The following SLC22A25 variants were observed in gnomAD, a reference collection of about 807,000 sequenced individuals.
SLC22A25 encodes solute carrier family 22 member 25, also known as MGI:2442751, MGI:2385316, MGI:3042283, MGI:3645714, MGI:3605624, MGI:2442750.
SLC22A25 carries 44 observed loss-of-function variants against 45.9 expected under a neutral mutation model. That is an observed-to-expected ratio of 0.96 (90% confidence interval 0.75 to 1.23). The LOEUF (loss-of-function observed/expected upper bound fraction) is 1.23. Among genes scored for constraint, SLC22A25 ranks in the 50% most tolerant of loss-of-function variants. The pLI, the probability that SLC22A25 is intolerant of heterozygous loss-of-function variation, is 0.00. For synonymous variants in SLC22A25, 283 were observed against 238.6 expected, an observed-to-expected ratio of 1.19 and a Z score of -1.72; for missense variants, 800 against 666.4, an observed-to-expected ratio of 1.20 and a Z score of -2.21.
intron 3 of SLC22A25, among the ~76,000 whole-genome samples, chr11:63,231,622 C>A (rs1172185905): frequency 6.6e-6 from 1 of 152,146 alleles, no homozygotes; most frequent in African/African-American, 2.4e-5. Flanking sequence ...ATGGTAGTTT[C>A]TTTTGCTGTG....
intron 7 of SLC22A25, among the ~76,000 whole-genome samples, chr11:63,189,636 G>C (rs1021302860): frequency 6.6e-6 from 1 of 152,120 alleles, no homozygotes; most frequent in Non-Finnish European, 1.5e-5. Flanking sequence ...TTTCTTCCTA[G>C]CATCGATGGT....
intron 9 of SLC22A25, among the ~76,000 whole-genome samples, chr11:63,179,554 G>A (rs1409452930): frequency 7.2e-5 from 11 of 152,060 alleles, no homozygotes; most frequent in African/African-American, 2.2e-4. Flanking sequence ...CTTGCTTTCT[G>A]TGGTATCTGT....
chr11:63,229,107 A>G (rs888742293), intron 4 of SLC22A25, 144 bp downstream of exon 4: 33 of 799,494 alleles, frequency 4.1e-5, no homozygotes, highest in Middle Eastern at 7.8e-4. Flanking sequence ...GGTATCTGGC[A>G]TTCAGTAGAG....
In SLC22A25 at chr11:63,217,883, G is replaced by A. The variant is rs896937439; in HGVS notation, c.507-148C>T. On this transcript the variant is annotated intron_variant, in intron 5 of 11. Transcript: ENST00000306494. ...TTAAAGAATCAACAGTTAATCAATG[G>A]CAGGTCTTCTCAGAAGGAATGTTCT... is the stretch of plus-strand genomic sequence containing the variant. 14 of 962,998 alleles carry A rather than the reference G, an allele frequency of 1.5e-5. No homozygotes were observed. The Admixed American group carries it at 3.6e-4, about 25-fold the overall frequency. 59.7% of individuals were successfully genotyped at this position (962,998 alleles called of 1,614,324 possible).
At chr11:63,217,517 TAC>T (rs760417070) in intron 6 of SLC22A25, 35 bp from the exon 7 acceptor site, 1 of 1,611,620 alleles carries the variant, frequency 6.2e-7, no homozygotes, top group East Asian at 2.2e-5. Flanking sequence ...TAGCTTTAAA[TAC>T]AGGTGGAGCT....
chr11:63,211,583 A>G (rs1032729288), intron 7 of SLC22A25, among the ~76,000 whole-genome samples: 2 of 152,146 alleles, frequency 1.3e-5, no homozygotes, highest in African/African-American at 4.8e-5. Context: ...TTCTCCTACC[A>G]TTTTTGGTGC....
At chr11:63,177,382 G>A (rs2088131036) in intron 9 of SLC22A25, among the ~76,000 whole-genome samples, 1 of 117,290 alleles carries the variant, frequency 8.5e-6, no homozygotes, top group African/African-American at 3.1e-5. Flanking sequence ...GTGTGTGTGT[G>A]TGTCGAGAAC....
At chr11:63,187,207 C>T (rs572002894) in intron 7 of SLC22A25, among the ~76,000 whole-genome samples, 1 of 152,118 alleles carries the variant, frequency 6.6e-6, no homozygotes, top group Non-Finnish European at 1.5e-5. Context: ...TGTTTTTATC[C>T]TGTTTTATTT....
intron 9 of SLC22A25, among the ~76,000 whole-genome samples, chr11:63,169,213 A>G (rs1178094792): frequency 6.6e-6 from 1 of 152,322 alleles, no homozygotes; most frequent in Middle Eastern, 3.4e-3. Context: ...CACTGCAAAA[A>G]CATACCAAAA....
intron 7 of SLC22A25, among the ~76,000 whole-genome samples, chr11:63,202,014 A>G (rs2089260521): frequency 6.6e-6 from 1 of 152,096 alleles, no homozygotes; most frequent in Admixed American, 6.5e-5. Context: ...GCAGGTTGGG[A>G]CATCACCTTG....
intron 10 of SLC22A25, 135 bp from the exon 11 acceptor site, chr11:63,164,769 C>CA: frequency 1.5e-6 from 1 of 665,286 alleles, no homozygotes; most frequent in Non-Finnish European, 2.7e-6. Flanking sequence ...TGCATAGAGG[C>CA]AAAGAATGTG....
intron 9 of SLC22A25, among the ~76,000 whole-genome samples, chr11:63,179,754 G>A (rs1320084425): frequency 6.6e-6 from 1 of 152,166 alleles, no homozygotes; most frequent in African/African-American, 2.4e-5. Flanking sequence ...TTTCCCTCCT[G>A]AGGGAGAAAT....
intron 3 of SLC22A25, among the ~76,000 whole-genome samples, chr11:63,231,772 G>T (rs900545707): frequency 1.3e-5 from 2 of 152,142 alleles, no homozygotes; most frequent in Non-Finnish European, 2.9e-5. Flanking sequence ...TTAGGTCAAA[G>T]ATTTAAGTCT....
intron 7 of SLC22A25, among the ~76,000 whole-genome samples, chr11:63,213,838 A>T (rs991212949): frequency 6.6e-6 from 1 of 152,128 alleles, no homozygotes; most frequent in Non-Finnish European, 1.5e-5. Context: ...TACTTCACTG[A>T]TGGTAGCAGT....
At chr11:63,236,924 A>T (rs904363515) in intron 3 of SLC22A25, among the ~76,000 whole-genome samples, 5 of 152,224 alleles carry the variant, frequency 3.3e-5, no homozygotes, top group East Asian at 1.9e-4. Flanking sequence ...TGTATCCAGC[A>T]TAGAACACTG....
intron 7 of SLC22A25, among the ~76,000 whole-genome samples, chr11:63,196,339 C>T (rs956755729): frequency 3.9e-5 from 6 of 152,092 alleles, no homozygotes; most frequent in African/African-American, 1.2e-4. Context: ...TGATGAACAT[C>T]GATGCAAAAA....
chr11:63,213,367 G>A (rs2089628492), intron 7 of SLC22A25, among the ~76,000 whole-genome samples: 1 of 152,190 alleles, frequency 6.6e-6, no homozygotes, highest in African/African-American at 2.4e-5. Context: ...TGAATGAAAG[G>A]GAATGGCAGT....
In SLC22A25 at chr11:63,159,042, T is replaced by C. The variant is rs773674537; in HGVS notation, c.*4782A>G. 3.3e-5 allele frequency among the ~76,000 whole-genome samples: 5 copies of C among 152,224 alleles called. No homozygotes were observed. The highest frequency in any genetic ancestry group is 6.5e-5 in the Admixed American group (1 of 15,284). ...TGTGCCTGGCTTATTTCACTTAACATAATGATCTCCAGTTCCATCCATGTT... is the reference window on the plus strand; with the variant it reads ...TGTGCCTGGCTTATTTCACTTAACACAATGATCTCCAGTTCCATCCATGTT... On this transcript the variant is annotated 3_prime_UTR_variant, in exon 12 of 12. Coordinates refer to ENST00000306494, the MANE Select transcript of SLC22A25 (RefSeq NM_199352.6).
At chr11:63,239,220 G>A (rs768030625) in intron 1 of SLC22A25, 85 bp from the exon 2 acceptor site, 2 of 152,198 alleles carry the variant, frequency 1.3e-5, no homozygotes, top group Non-Finnish European at 2.9e-5. Context: ...AGTGTATGTT[G>A]ATCCACTTTC....
Sources: allele counts gnomAD v4.1 joint callset (sites outside exome capture counted in the v4.1 genomes callset), GRCh38; gene constraint gnomAD v4.1.1; transcripts MANE v1.5; gene names NCBI Gene and HGNC (gene_info 2026-07-23, HGNC 2026-07-21).